KCTD16: variants seen among roughly 807,000 people sequenced by gnomAD.
KCTD16 encodes BTB/POZ domain-containing protein KCTD16.
In KCTD16, 13 loss-of-function variants were observed where a neutral mutation model predicts 33.2. The ratio of observed to expected loss-of-function variants is 0.39; its 90% CI spans 0.25 to 0.62. The LOEUF (loss-of-function observed/expected upper bound fraction) is 0.62, where lower values mean the gene tolerates loss of function less well. KCTD16 is among the 20% of genes least tolerant of loss of function. KCTD16 has a pLI of 0.50. For synonymous variants in KCTD16, 197 were observed against 195.3 expected (o/e 1.01, Z -0.07); for missense variants, 441 against 525.1 (o/e 0.84, Z 1.57).
At chr5:144,442,324 G>A (rs1484155275) in intron 3 of KCTD16, among the ~76,000 whole-genome samples, 1 of 152,068 alleles carries the variant, frequency 6.6e-6, no homozygotes, top group East Asian at 1.9e-4. Flanking sequence ...CTGAGTGGAT[G>A]CTTCCTAGCA....
rs141771251 is a variant in KCTD16 at position 144,367,792 on chromosome 5, C to T, written c.833-105868C>T. 1.9e-4 allele frequency among the ~76,000 whole-genome samples: 28 copies of T among 148,624 alleles called. No individual in the cohort carries two copies. In the East Asian group the frequency reaches 4.5e-3, roughly 24 times the overall value. On this transcript the variant is annotated intron_variant, in intron 3 of 3. Coordinates refer to ENST00000512467, the MANE Select transcript of KCTD16 (RefSeq NM_020768.4). ...GATGCTGAAGTTTGGGGTTTTTCAG[C>T]CCTTGCTTCCCTCCTTCTCTCCCTC...
At chr5:144,219,892 C>A (rs1445557249) in intron 3 of KCTD16, among the ~76,000 whole-genome samples, 1 of 152,144 alleles carries the variant, frequency 6.6e-6, no homozygotes, top group Non-Finnish European at 1.5e-5. Context: ...GCAGATGGAC[C>A]TGTTAGAGTG....
At chr5:144,412,757 G>A (rs778777437) in intron 3 of KCTD16, among the ~76,000 whole-genome samples, 5 of 151,970 alleles carry the variant, frequency 3.3e-5, no homozygotes, top group South Asian at 2.1e-4. Flanking sequence ...ATGGTGGTGC[G>A]CACCTGTAAT....
chr5:144,336,032 G>T (rs949931558), intron 3 of KCTD16, among the ~76,000 whole-genome samples: 1 of 152,158 alleles, frequency 6.6e-6, no homozygotes, highest in African/African-American at 2.4e-5. Flanking sequence ...TAATGGAGAT[G>T]CCCCATGTCC....
At chr5:144,234,743 T>C (rs1317416770) in intron 3 of KCTD16, among the ~76,000 whole-genome samples, 6 of 152,066 alleles carry the variant, frequency 3.9e-5, no homozygotes, top group Admixed American at 1.3e-4. Context: ...CTATAAAGCA[T>C]TGTATGAAAG....
intron 3 of KCTD16, among the ~76,000 whole-genome samples, chr5:144,362,223 A>G (rs1305800201): frequency 6.6e-6 from 1 of 152,212 alleles, no homozygotes; most frequent in Non-Finnish European, 1.5e-5. Flanking sequence ...TTCAGGGCCC[A>G]GTAGGCAAAG....
chr5:144,366,987 G>C (rs1580906210), intron 3 of KCTD16, among the ~76,000 whole-genome samples: 1 of 152,134 alleles, frequency 6.6e-6, no homozygotes, highest in South Asian at 2.1e-4. Flanking sequence ...GCCTCCCTAA[G>C]AGGCAGGGCT....
intron 3 of KCTD16, among the ~76,000 whole-genome samples, chr5:144,322,610 A>T (rs1229346207): frequency 6.6e-6 from 1 of 152,082 alleles, no homozygotes; most frequent in Non-Finnish European, 1.5e-5. Flanking sequence ...CATGCCTGAC[A>T]TCACCTAATA....
intron 3 of KCTD16, among the ~76,000 whole-genome samples, chr5:144,310,952 A>G (rs996969494): frequency 2.0e-5 from 3 of 152,160 alleles, no homozygotes; most frequent in African/African-American, 7.2e-5. Flanking sequence ...ACTCTTCCTC[A>G]TGGGACTGCA....
chr5:144,416,277 G>C (rs1753051823), intron 3 of KCTD16, among the ~76,000 whole-genome samples: 1 of 152,142 alleles, frequency 6.6e-6, no homozygotes, highest in Non-Finnish European at 1.5e-5. Context: ...GAGAAAAATA[G>C]GTATATGTGT....
chr5:144,325,478 T>C (rs1009255094), intron 3 of KCTD16, among the ~76,000 whole-genome samples: 1 of 152,088 alleles, frequency 6.6e-6, no homozygotes, highest in Non-Finnish European at 1.5e-5. Context: ...CCTCTCCTCC[T>C]TCCTCACTTG....
At chr5:144,323,047 G>T (rs1383842540) in intron 3 of KCTD16, among the ~76,000 whole-genome samples, 1 of 152,034 alleles carries the variant, frequency 6.6e-6, no homozygotes, top group Non-Finnish European at 1.5e-5. Flanking sequence ...TTATTTTGAA[G>T]TCTTTTCCAG....
At chr5:144,249,476 A>C (rs1285311574) in intron 3 of KCTD16, among the ~76,000 whole-genome samples, 1 of 152,124 alleles carries the variant, frequency 6.6e-6, no homozygotes, top group East Asian at 1.9e-4. Context: ...TGTTTACCTA[A>C]TACAGTGTCT....
At chr5:144,193,733 A>G (rs775594632) in intron 2 of KCTD16, among the ~76,000 whole-genome samples, 19 of 152,196 alleles carry the variant, frequency 1.2e-4, no homozygotes, top group Non-Finnish European at 2.6e-4. Flanking sequence ...TCATGGCTCC[A>G]TAATTATTTC....
intron 3 of KCTD16, among the ~76,000 whole-genome samples, chr5:144,326,207 T>C (rs2126887843): frequency 6.6e-6 from 1 of 152,268 alleles, no homozygotes; most frequent in Admixed American, 6.5e-5. Flanking sequence ...CCTCATCAGT[T>C]ACCATGGGAG....
At chr5:144,299,077 TGTATATATATATCACTA>T (rs1411098808) in intron 3 of KCTD16, among the ~76,000 whole-genome samples, 3,835 of 82,026 alleles carry the variant, frequency 0.047, 570 homozygotes, top group African/African-American at 0.12. Context: ...TATATATTTT[TGTATATATATATCACTA>T]TGTATATATA....
At chr5:144,297,352 T>C (rs57702699) in intron 3 of KCTD16, among the ~76,000 whole-genome samples, 3,729 of 152,306 alleles carry the variant, frequency 0.024, 166 homozygotes, top group African/African-American at 0.084. Context: ...GAAAGATTTA[T>C]TGACTCTAAG....
At position 144,485,284 on chromosome 5, in the gene KCTD16, C is replaced by T. The variant is rs914414015; in HGVS notation, c.*11170C>T. 1 of 151,824 alleles carries T rather than the reference C, an allele frequency of 6.6e-6. No individual in the cohort carries two copies. Among genetic ancestry groups the T allele is most frequent in the African/African-American group, 2.4e-5 (1 of 41,372 alleles). The allele number at this position is 151,824 out of a possible 1,614,324, so 9.4% of individuals were successfully genotyped here. On this transcript the variant is annotated 3_prime_UTR_variant, in exon 4 of 4. Transcript: ENST00000512467. ...GGCAACCGCCTATAGATGGAACAGC[C>T]CTGAGCAACATATAAATATATACAT... is the stretch of plus-strand genomic sequence containing the variant.
chr5:144,324,058 G>T (rs1752142440), intron 3 of KCTD16, among the ~76,000 whole-genome samples: 1 of 152,086 alleles, frequency 6.6e-6, no homozygotes, highest in Non-Finnish European at 1.5e-5. Context: ...TGTGCCTTTT[G>T]TTTTTCATTT....
Sources: gnomAD v4.1 joint callset for allele counts (sites outside exome capture counted in the v4.1 genomes callset) on GRCh38, gnomAD v4.1.1 for gene constraint, MANE v1.5 for transcripts, NCBI Gene and HGNC (gene_info 2026-07-23, HGNC 2026-07-21) for gene names.